CPED1: variants seen among roughly 807,000 people sequenced by gnomAD.
CPED1 encodes cadherin like and PC-esterase domain containing 1.
In CPED1, 114 loss-of-function variants were observed where a neutral mutation model predicts 128.2. The observed-to-expected ratio is 0.89, with a 90% CI of 0.76 to 1.04. CPED1 has a LOEUF of 1.04. Among genes scored for constraint, CPED1 ranks in the 50% least tolerant of loss-of-function variants. The pLI is 0.00. For missense variants in CPED1, 1,211 were observed against 1,207.1 expected (o/e 1.00, Z -0.05); for synonymous variants, 462 against 426.7 (o/e 1.08, Z -1.02).
rs1233096959 is a variant in CPED1, at chr7:121,130,371, A to G, written c.1577+77A>G. On this transcript the variant is annotated intron_variant, in intron 12 of 22. Coordinates refer to ENST00000310396, the MANE Select transcript of CPED1 (RefSeq NM_024913.5). ...AGATTGATTTCAAAAGGCTTTGCCT[A>G]TGTTAAAGCAAGCAGCAACAACAAA... 5 of 1,253,294 alleles carry G rather than the reference A, an allele frequency of 4.0e-6. No homozygotes were observed. In the African/African-American group the frequency reaches 4.6e-5, roughly 12 times the overall value. 77.6% of individuals were successfully genotyped at this position (1,253,294 alleles called of 1,614,324 possible).
At chr7:121,179,650 A>G (rs2116493761) in intron 16 of CPED1, among the ~76,000 whole-genome samples, 1 of 152,144 alleles carries the variant, frequency 6.6e-6, no homozygotes, top group African/African-American at 2.4e-5. Flanking sequence ...ATGTGTTCAA[A>G]TGTTTAAGAT....
chr7:121,222,899 C>A (rs951482605), intron 16 of CPED1, among the ~76,000 whole-genome samples: 1 of 152,164 alleles, frequency 6.6e-6, no homozygotes, highest in African/African-American at 2.4e-5. Context: ...ATGTCATCTG[C>A]AAACAGGGAC....
At chr7:121,040,771 C>T (rs955126253) in intron 3 of CPED1, among the ~76,000 whole-genome samples, 27 of 151,836 alleles carry the variant, frequency 1.8e-4, no homozygotes, top group Non-Finnish European at 7.4e-5. Context: ...TAGTACTTCA[C>T]CTTAAAGGAA....
intron 18 of CPED1, among the ~76,000 whole-genome samples, chr7:121,248,028 TGGCCTG>T (rs1798577084): frequency 6.6e-6 from 1 of 152,218 alleles, no homozygotes; most frequent in African/African-American, 2.4e-5. Flanking sequence ...ATGTTCCTGA[TGGCCTG>T]GGAGCACTTT....
At chr7:121,089,018 A>G (rs774689023) in intron 5 of CPED1, among the ~76,000 whole-genome samples, 2 of 152,206 alleles carry the variant, frequency 1.3e-5, no homozygotes, top group Non-Finnish European at 2.9e-5. Flanking sequence ...CTTCTGACTC[A>G]GGCCCTTGGG....
At chr7:121,103,671 T>TTGTG (rs142776626) in intron 7 of CPED1, among the ~76,000 whole-genome samples, 1 of 151,286 alleles carries the variant, frequency 6.6e-6, no homozygotes, top group Non-Finnish European at 1.5e-5. Context: ...AAACATAATT[T>TTGTG]TGTGTGTGTG....
intron 7 of CPED1, among the ~76,000 whole-genome samples, chr7:121,118,596 AC>A (rs986427025): frequency 1.4e-4 from 21 of 151,614 alleles, no homozygotes; most frequent in African/African-American, 4.8e-4. Flanking sequence ...GAAAAAAAAA[AC>A]CATATCTATC....
intron 16 of CPED1, among the ~76,000 whole-genome samples, chr7:121,168,352 C>T (rs1488672223): frequency 6.6e-6 from 1 of 152,174 alleles, no homozygotes; most frequent in Non-Finnish European, 1.5e-5. Context: ...GTAGTCTTCT[C>T]TATCTAAAGA....
At chr7:121,242,929 ATAAC>A (rs966666062) in intron 17 of CPED1, among the ~76,000 whole-genome samples, 2 of 152,080 alleles carry the variant, frequency 1.3e-5, no homozygotes, top group Admixed American at 6.5e-5. Flanking sequence ...TTTTATATTA[ATAAC>A]TATTTCCACA....
chr7:120,992,543 T>A (rs905167310), intron 2 of CPED1, among the ~76,000 whole-genome samples: 14 of 152,186 alleles, frequency 9.2e-5, no homozygotes, highest in African/African-American at 3.4e-4. Context: ...CCAGTATGTT[T>A]ACATGTTAAA....
chr7:121,133,954 A>T (rs917819084), intron 13 of CPED1, 61 bp downstream of exon 13: 87 of 941,710 alleles, frequency 9.2e-5, no homozygotes, highest in Non-Finnish European at 1.4e-4. Flanking sequence ...TGGCAAAAAA[A>T]TGCAAAACTA....
intron 22 of CPED1, among the ~76,000 whole-genome samples, chr7:121,273,697 T>A (rs371328514): frequency 6.6e-6 from 1 of 152,114 alleles, no homozygotes. Context: ...GTACAGAACA[T>A]GACATTTTAA....
intron 16 of CPED1, among the ~76,000 whole-genome samples, chr7:121,147,396 A>G (rs1796047239): frequency 6.6e-6 from 1 of 152,136 alleles, no homozygotes; most frequent in African/African-American, 2.4e-5. Context: ...TGAGTCTGTT[A>G]TTTCATTTTG....
intron 16 of CPED1, among the ~76,000 whole-genome samples, chr7:121,207,549 AAGG>A (rs1284590438): frequency 1.3e-5 from 2 of 152,020 alleles, no homozygotes; most frequent in African/African-American, 4.8e-5. Context: ...TCGTATTTCC[AAGG>A]AGGATATCCT....
At chr7:121,145,833 T>C (rs1796012653) in intron 16 of CPED1, among the ~76,000 whole-genome samples, 1 of 152,058 alleles carries the variant, frequency 6.6e-6, no homozygotes, top group South Asian at 2.1e-4. Flanking sequence ...TCACTATATT[T>C]GTAGGGCTGA....
At chr7:121,019,225 T>C (rs1304733292) in intron 3 of CPED1, among the ~76,000 whole-genome samples, 1 of 152,058 alleles carries the variant, frequency 6.6e-6, no homozygotes, top group Non-Finnish European at 1.5e-5. Flanking sequence ...TTGATGTCTC[T>C]ATTGGGAGAG....
At chr7:121,211,224 A>G (rs1797633196) in intron 16 of CPED1, among the ~76,000 whole-genome samples, 1 of 152,040 alleles carries the variant, frequency 6.6e-6, no homozygotes, top group South Asian at 2.1e-4. Context: ...TTATCTTCCT[A>G]GATAGTATTT....
intron 18 of CPED1, among the ~76,000 whole-genome samples, chr7:121,249,966 C>T (rs772631811): frequency 8.5e-5 from 13 of 152,112 alleles, no homozygotes; most frequent in East Asian, 3.9e-4. Context: ...CTGCACCAAG[C>T]GGAACTAATA....
At chr7:121,159,627 C>T (rs937355269) in intron 16 of CPED1, among the ~76,000 whole-genome samples, 9 of 152,112 alleles carry the variant, frequency 5.9e-5, no homozygotes, top group African/African-American at 1.2e-4. Context: ...TTTTAAATGG[C>T]GTGGATTCCC....
Sources: allele counts gnomAD v4.1 joint callset (sites outside exome capture counted in the v4.1 genomes callset), GRCh38; gene constraint gnomAD v4.1.1; transcripts MANE v1.5; gene names NCBI Gene and HGNC (gene_info 2026-07-23, HGNC 2026-07-21).